NEK1: variants seen among roughly 807,000 people sequenced by gnomAD.
NEK1 encodes the protein serine/threonine-protein kinase Nek1.
A neutral mutation model predicts 182.1 loss-of-function variants in NEK1; 137 were observed. The observed-to-expected ratio is 0.75, with a 90% CI of 0.65 to 0.87. The LOEUF (loss-of-function observed/expected upper bound fraction) is 0.87, where lower values mean the gene tolerates loss of function less well. Among genes scored for constraint, NEK1 ranks in the 40% least tolerant of loss-of-function variants. The probability of loss-of-function intolerance (pLI) is 0.00; values close to 1 mark genes in which losing one functional copy is unlikely to be tolerated. For synonymous variants in NEK1, 513 were observed against 492.2 expected (o/e 1.04, Z -0.56); for missense variants, 1,391 against 1,494.4 (o/e 0.93, Z 1.14).
chr4:169,567,766 T>C (rs906879459), intron 12 of NEK1, among the ~76,000 whole-genome samples: 2 of 152,190 alleles, frequency 1.3e-5, no homozygotes, highest in African/African-American at 4.8e-5. Context: ...ATGGTCTAGC[T>C]CAGACCATAC....
chr4:169,550,058 C>T (rs1253617211), intron 18 of NEK1, among the ~76,000 whole-genome samples: 7 of 152,048 alleles, frequency 4.6e-5, no homozygotes, highest in Non-Finnish European at 5.9e-5. Context: ...GGCTGTGTCC[C>T]CACCCAAATC....
intron 20 of NEK1, 103 bp from the exon 21 acceptor site, chr4:169,508,434 C>A: frequency 1.1e-6 from 1 of 887,104 alleles, no homozygotes; most frequent in Admixed American, 3.6e-5. Context: ...TTAATTTGAA[C>A]ACAAGAAATA....
Position 169,597,549 on chromosome 4 carries a change from T to C in NEK1, c.312+1551A>G, listed in dbSNP as rs72692997. Among the ~76,000 whole-genome samples, 605 of 152,108 alleles carry C rather than the reference T, an allele frequency of 4.0e-3. 5 individuals are homozygous for C. The highest frequency in any genetic ancestry group is 0.03 in the South Asian group (144 of 4,826). The stretch of plus-strand genomic sequence containing the variant: ...TACTCCAGAGAGTGAGGTGGGAAAA[T>C]TGCTTGTGTTCAGGAGTGCAAGGCA... On this transcript the variant is annotated intron_variant, in intron 5 of 35. Transcript: ENST00000507142.
intron 32 of NEK1, among the ~76,000 whole-genome samples, chr4:169,402,796 TAATATC>T (rs1731912144): frequency 6.6e-6 from 1 of 152,192 alleles, no homozygotes; most frequent in Admixed American, 6.5e-5. Flanking sequence ...ACCACTTCTG[TAATATC>T]TGAGAAACAT....
At chr4:169,506,245 G>A (rs923892057) in intron 23 of NEK1, among the ~76,000 whole-genome samples, 2 of 152,068 alleles carry the variant, frequency 1.3e-5, no homozygotes, top group South Asian at 2.1e-4. Flanking sequence ...ATACAACGAG[G>A]TACTGGCAGA....
intron 12 of NEK1, among the ~76,000 whole-genome samples, chr4:169,567,468 T>C (rs1174285546): frequency 6.6e-6 from 1 of 152,064 alleles, no homozygotes; most frequent in African/African-American, 2.4e-5. Context: ...TGGCACCATC[T>C]CTGCTCACTG....
chr4:169,602,970 T>C (rs1284179279), intron 2 of NEK1, among the ~76,000 whole-genome samples: 1 of 152,180 alleles, frequency 6.6e-6, no homozygotes, highest in Admixed American at 6.5e-5. Context: ...AATTAATTAG[T>C]AGCATTACTT....
intron 27 of NEK1, among the ~76,000 whole-genome samples, chr4:169,462,232 G>C (rs373509150): frequency 4.3e-4 from 66 of 151,950 alleles, no homozygotes; most frequent in Middle Eastern, 3.4e-3. Flanking sequence ...AAAAATGTTA[G>C]AGCCTGAAGG....
At chr4:169,440,132 C>T (rs1409548656) in intron 27 of NEK1, among the ~76,000 whole-genome samples, 1 of 151,492 alleles carries the variant, frequency 6.6e-6, no homozygotes, top group Non-Finnish European at 1.5e-5. Context: ...GCATGAGCTA[C>T]CACACCCGGC....
intron 18 of NEK1, chr4:169,554,414 T>C (rs1417058514): frequency 1.0e-4 from 12 of 115,942 alleles, no homozygotes; most frequent in Non-Finnish European, 1.9e-4. Flanking sequence ...CAAGAACCTG[T>C]CTCAAAAAAA....
At chr4:169,595,898 G>C (rs1196626549) in intron 5 of NEK1, among the ~76,000 whole-genome samples, 1 of 147,936 alleles carries the variant, frequency 6.8e-6, no homozygotes. Context: ...ACTCCAGCCT[G>C]GGGGACAGAG....
chr4:169,574,243 G>A (rs557594732), intron 12 of NEK1, among the ~76,000 whole-genome samples: 11 of 152,292 alleles, frequency 7.2e-5, no homozygotes, highest in African/African-American at 2.6e-4. Flanking sequence ...TACTAAAACT[G>A]TAAAGAATTA....
intron 6 of NEK1, among the ~76,000 whole-genome samples, chr4:169,589,781 A>T (rs1768130694): frequency 6.6e-6 from 1 of 152,162 alleles, no homozygotes. Flanking sequence ...TGGGCTAGGG[A>T]ATGGTTTCTT....
In NEK1 at chr4:169,508,284, C is replaced by T. The variant is rs1473868004; in HGVS notation, c.1797G>A (p.Glu599=). Residue 599 remains glutamate, a synonymous_variant, in exon 21 of 36, where the codon GAG becomes GAA. Coordinates refer to ENST00000507142, the MANE Select transcript of NEK1 (RefSeq NM_001199397.3). ...LRQIRLQNFN[E]RQQIKAKLRG... is the part of the protein sequence containing the mutation. ...GAAGTTTGGCTTTAATCTGTTGGCG[C>T]TCATTGAAATTCTGTAGTCTTATTT... 4 of 1,595,184 alleles carry T rather than the reference C, an allele frequency of 2.5e-6. No individual in the cohort carries two copies. In the African/African-American group the frequency reaches 5.4e-5, roughly 21 times the overall value.
At position 169,545,445 on chromosome 4, in the gene NEK1, T is replaced by C. The variant is rs1322508732; in HGVS notation, c.1563-7534A>G. Reference sequence around the variant, plus strand: ...TATGCCACATTTTCTTAATCCAGTCTATCATTGTTGGACATTTGGGTTGGT... The same window carrying C: ...TATGCCACATTTTCTTAATCCAGTCCATCATTGTTGGACATTTGGGTTGGT... On this transcript the variant is annotated intron_variant, in intron 18 of 35. Coordinates refer to ENST00000507142, the MANE Select transcript of NEK1 (RefSeq NM_001199397.3). 4.0e-5 allele frequency among the ~76,000 whole-genome samples: 6 copies of C among 150,820 alleles called. No homozygotes were observed. The East Asian group carries it at 1.2e-3, about 29-fold the overall frequency.
At chr4:169,429,252 C>T (rs767471738) in intron 29 of NEK1, among the ~76,000 whole-genome samples, 21 of 152,140 alleles carry the variant, frequency 1.4e-4, no homozygotes, top group Non-Finnish European at 2.2e-4. Context: ...TAGCTATCTC[C>T]TTATTAATGC....
At chr4:169,397,313 G>A (rs1221779187) in intron 35 of NEK1, among the ~76,000 whole-genome samples, 3 of 152,054 alleles carry the variant, frequency 2.0e-5, no homozygotes, top group Non-Finnish European at 2.9e-5. Flanking sequence ...AAGAAGGAGT[G>A]CAAAACGGTT....
chr4:169,446,454 C>T (rs1324478892), intron 27 of NEK1, among the ~76,000 whole-genome samples: 4 of 152,000 alleles, frequency 2.6e-5, no homozygotes, highest in African/African-American at 9.7e-5. Context: ...ACACAGACAA[C>T]CTCCCAAAAT....
chr4:169,566,008 T>C (rs1763621523), intron 12 of NEK1, among the ~76,000 whole-genome samples: 1 of 152,236 alleles, frequency 6.6e-6, no homozygotes, highest in African/African-American at 2.4e-5. Flanking sequence ...TCCCAAGAGT[T>C]ACTAAATCAT....
Sources: allele counts gnomAD v4.1 joint callset (sites outside exome capture counted in the v4.1 genomes callset), GRCh38; gene constraint gnomAD v4.1.1; transcripts MANE v1.5; gene names NCBI Gene and HGNC (gene_info 2026-07-23, HGNC 2026-07-21).